The following RAPGEF4 variants were observed in gnomAD, a reference collection of about 807,000 sequenced individuals.
RAPGEF4 encodes the protein Rap guanine nucleotide exchange factor 4, also known as RAP guanine-nucleotide-exchange factor (GEF) 4.
Under a neutral mutation model 147.9 loss-of-function variants are expected in RAPGEF4, and 66 were observed. The observed-to-expected ratio is 0.45, with a 90% CI of 0.37 to 0.55. The LOEUF (loss-of-function observed/expected upper bound fraction) is 0.55. RAPGEF4 is among the 20% of genes least tolerant of loss of function. The probability of loss-of-function intolerance (pLI) is 0.00; values close to 1 mark genes in which losing one functional copy is unlikely to be tolerated. For missense variants in RAPGEF4, 1,071 were observed against 1,257.3 expected (o/e 0.85, Z 2.24); for synonymous variants, 419 against 442.7 (o/e 0.95, Z 0.67).
chr2:172,905,207 C>A (rs1699501759), intron 4 of RAPGEF4, among the ~76,000 whole-genome samples: 1 of 152,122 alleles, frequency 6.6e-6, no homozygotes, highest in Non-Finnish European at 1.5e-5. Flanking sequence ...TTTCAATGCA[C>A]CCTATACTTT....
chr2:172,839,378 A>G (rs901284719), intron 4 of RAPGEF4, among the ~76,000 whole-genome samples: 5 of 152,072 alleles, frequency 3.3e-5, no homozygotes, highest in Admixed American at 3.3e-4. Context: ...ATTTATGGTT[A>G]TTTCTTAATG....
At position 172,829,704 on chromosome 2, in the gene RAPGEF4, A is replaced by C. The variant is rs560437025; in HGVS notation, c.444+15279A>C. ...TGATGGGAGCTTTTGGAATGAAAAG[A>C]GCTCTAAGTTTGTTTAGGAAAAATG... On this transcript the variant is annotated intron_variant, in intron 4 of 30. Transcript: ENST00000397081. Among the ~76,000 whole-genome samples the C allele has an allele frequency of 3.9e-5, 6 of 152,024 alleles. No individual in the cohort carries two copies. In the South Asian group the frequency reaches 1.2e-3, roughly 32 times the overall value.
chr2:172,802,319 T>C (rs931637487), intron 3 of RAPGEF4, among the ~76,000 whole-genome samples: 1 of 152,208 alleles, frequency 6.6e-6, no homozygotes, highest in Admixed American at 6.5e-5. Context: ...GGACTTATAG[T>C]TCCACATGGC....
At chr2:172,908,688 A>G (rs921265559) in intron 4 of RAPGEF4, among the ~76,000 whole-genome samples, 1 of 152,222 alleles carries the variant, frequency 6.6e-6, no homozygotes, top group Admixed American at 6.5e-5. Context: ...TGGAACTTTA[A>G]TTTATGAAAC....
At chr2:172,888,885 T>A (rs3769278) in intron 4 of RAPGEF4, among the ~76,000 whole-genome samples, 5,787 of 152,272 alleles carry the variant, frequency 0.038, 244 homozygotes, top group South Asian at 0.15. Flanking sequence ...TGCTCTCCAA[T>A]TGCCTAATGG....
chr2:172,782,381 G>A (rs1684765685), intron 1 of RAPGEF4, among the ~76,000 whole-genome samples: 1 of 152,296 alleles, frequency 6.6e-6, no homozygotes, highest in South Asian at 2.1e-4. Flanking sequence ...CATGCTCAGT[G>A]TGCTTCCTTT....
At chr2:172,883,684 A>G (rs1311514707) in intron 4 of RAPGEF4, among the ~76,000 whole-genome samples, 1 of 152,132 alleles carries the variant, frequency 6.6e-6, no homozygotes, top group Non-Finnish European at 1.5e-5. Context: ...TCTCTCCTAG[A>G]AGATGTTTTT....
intron 4 of RAPGEF4, among the ~76,000 whole-genome samples, chr2:172,834,573 GTTTA>G (rs1194913560): frequency 1.3e-5 from 2 of 152,100 alleles, no homozygotes; most frequent in African/African-American, 4.8e-5. Context: ...AAATAAATTT[GTTTA>G]TTTGTTTATA....
At chr2:172,768,792 A>C (rs1697088154) in intron 1 of RAPGEF4, among the ~76,000 whole-genome samples, 1 of 152,266 alleles carries the variant, frequency 6.6e-6, no homozygotes. Context: ...ATGGAAAACC[A>C]AAAGACTGCT....
At chr2:172,970,220 C>A (rs1201802368) in intron 10 of RAPGEF4, among the ~76,000 whole-genome samples, 1 of 146,544 alleles carries the variant, frequency 6.8e-6, no homozygotes, top group Non-Finnish European at 1.5e-5. Context: ...ATCTTTGGAG[C>A]TACTACTTTA....
chr2:172,865,076 C>T (rs1425871143), intron 4 of RAPGEF4, among the ~76,000 whole-genome samples: 1 of 152,236 alleles, frequency 6.6e-6, no homozygotes, highest in East Asian at 1.9e-4. Context: ...CTTTCTCTTG[C>T]CTCCAGCCAG....
chr2:172,794,888 G>T (rs752060404), intron 1 of RAPGEF4, 137 bp from the exon 2 acceptor site: 75 of 873,482 alleles, frequency 8.6e-5, no homozygotes, highest in Non-Finnish European at 1.2e-4. Flanking sequence ...CTATAAGGGG[G>T]TGGATAAATA....
chr2:172,841,721 G>A (rs954584829), intron 4 of RAPGEF4, among the ~76,000 whole-genome samples: 7 of 151,608 alleles, frequency 4.6e-5, no homozygotes, highest in Admixed American at 2.6e-4. Flanking sequence ...CAAAATGGCC[G>A]TTTAGGATTT....
At chr2:172,841,791 AACACAC>A (rs3064818) in intron 4 of RAPGEF4, among the ~76,000 whole-genome samples, 7 of 147,006 alleles carry the variant, frequency 4.8e-5, no homozygotes, top group African/African-American at 7.5e-5. Context: ...TTGGCTGAAT[AACACAC>A]ACACACACAC....
chr2:172,870,760 C>A (rs1014950057), intron 4 of RAPGEF4, among the ~76,000 whole-genome samples: 2 of 152,058 alleles, frequency 1.3e-5, no homozygotes, highest in Admixed American at 6.6e-5. Context: ...TCAAATATGA[C>A]TTTATAATTT....
chr2:172,750,692 C>G (rs768634273), intron 1 of RAPGEF4, among the ~76,000 whole-genome samples: 10 of 152,112 alleles, frequency 6.6e-5, no homozygotes, highest in Non-Finnish European at 1.0e-4. Context: ...ACAGGTGTGA[C>G]ATTGTTTTTC....
intron 2 of RAPGEF4, among the ~76,000 whole-genome samples, chr2:172,795,786 G>A (rs1168078386): frequency 6.6e-6 from 1 of 152,148 alleles, no homozygotes; most frequent in Non-Finnish European, 1.5e-5. Flanking sequence ...ATGACTTCAG[G>A]GTTGGTTAGT....
intron 4 of RAPGEF4, among the ~76,000 whole-genome samples, chr2:172,815,309 T>G (rs1459989149): frequency 6.6e-6 from 1 of 152,232 alleles, no homozygotes; most frequent in East Asian, 1.9e-4. Flanking sequence ...GCAGATGCAT[T>G]AAGGGAGCCA....
chr2:172,998,149 A>G (rs1295866514), intron 16 of RAPGEF4, among the ~76,000 whole-genome samples: 3 of 152,262 alleles, frequency 2.0e-5, no homozygotes, highest in Admixed American at 2.0e-4. Context: ...TAACTTGAAT[A>G]TAAGGCAGAA....
Sources: allele counts gnomAD v4.1 joint callset (sites outside exome capture counted in the v4.1 genomes callset), GRCh38; gene constraint gnomAD v4.1.1; transcripts MANE v1.5; gene names NCBI Gene and HGNC (gene_info 2026-07-23, HGNC 2026-07-21).